Variants in ADGB observed in about 807,000 individuals in gnomAD.
ADGB encodes the protein androglobin, also known as calpain-7-like protein.
In ADGB, 172 loss-of-function variants were observed where a neutral mutation model predicts 210.5. That is an observed-to-expected ratio of 0.82 (90% confidence interval 0.72 to 0.93). ADGB has a LOEUF of 0.93. Ranked by LOEUF, ADGB falls within the 40% of genes least tolerant of loss-of-function variation. The pLI is 0.00. For missense variants in ADGB, 2,025 were observed against 1,964.8 expected, an observed-to-expected ratio of 1.03 and a Z score of -0.58; for synonymous variants, 658 against 662.7, an observed-to-expected ratio of 0.99 and a Z score of 0.11.
rs1349137564 is a variant in ADGB at position 146,635,598 on chromosome 6, A to G, written c.237+61A>G. On this transcript the variant is annotated intron_variant, in intron 2 of 35. Coordinates refer to ENST00000397944, the MANE Select transcript of ADGB (RefSeq NM_024694.4). ...GTTTTTAATTTTATAATGGAATGAG[A>G]TTTGTAAACATAAAAAGGTATTCAT... 5 of 1,408,366 alleles carry G rather than the reference A, an allele frequency of 3.6e-6. No individual in the cohort carries two copies. The African/African-American group carries it at 5.9e-5, about 17-fold the overall frequency. The allele number at this position is 1,408,366 out of a possible 1,614,324, so 87.2% of individuals were successfully genotyped here.
intron 27 of ADGB, among the ~76,000 whole-genome samples, chr6:146,755,400 G>T (rs1470203837): frequency 6.6e-6 from 1 of 152,042 alleles, no homozygotes; most frequent in Non-Finnish European, 1.5e-5. Flanking sequence ...TAGACCATGG[G>T]ATGCTATTCC....
intron 33 of ADGB, among the ~76,000 whole-genome samples, chr6:146,792,975 G>A (rs1383447350): frequency 6.6e-6 from 1 of 152,170 alleles, no homozygotes; most frequent in Non-Finnish European, 1.5e-5. Flanking sequence ...GACCCAAGGA[G>A]TGAGTGGTAG....
In ADGB at chr6:146,629,206, A is replaced by G. The variant is rs936440787; in HGVS notation, c.75-6169A>G. Among the ~76,000 whole-genome samples, 6 of 152,324 alleles carry G rather than the reference A, an allele frequency of 3.9e-5. No individual in the cohort carries two copies. In the East Asian group the frequency reaches 7.7e-4, roughly 20 times the overall value. ...GAATAATGCACTTTGAATACTTAAA[A>G]GATCCCAACTATACTAGAGCAGTGG... On this transcript the variant is annotated intron_variant, in intron 1 of 35. Transcript: ENST00000397944.
At chr6:146,810,781 G>A (rs1304145800) in intron 35 of ADGB, among the ~76,000 whole-genome samples, 2 of 152,086 alleles carry the variant, frequency 1.3e-5, no homozygotes, top group African/African-American at 4.8e-5. Context: ...TAGGACAGTG[G>A]TTACCAGAGA....
intron 7 of ADGB, among the ~76,000 whole-genome samples, chr6:146,670,127 T>A (rs904942116): frequency 6.6e-6 from 1 of 152,182 alleles, no homozygotes; most frequent in South Asian, 2.1e-4. Flanking sequence ...ACTGATCACA[T>A]GTAATAGACT....
At chr6:146,763,806 C>T (rs1295375555) in intron 27 of ADGB, 95 bp from the exon 28 acceptor site, 3 of 1,118,378 alleles carry the variant, frequency 2.7e-6, no homozygotes, top group African/African-American at 1.6e-5. Context: ...TGACCTATTC[C>T]TTTGAGTGTT....
At chr6:146,610,574 T>C (rs796360302) in intron 1 of ADGB, among the ~76,000 whole-genome samples, 12 of 152,310 alleles carry the variant, frequency 7.9e-5, no homozygotes, top group African/African-American at 2.6e-4. Flanking sequence ...TTGAATTTAG[T>C]CAACTGGCTT....
At chr6:146,607,624 C>T (rs1306591235) in intron 1 of ADGB, among the ~76,000 whole-genome samples, 1 of 152,052 alleles carries the variant, frequency 6.6e-6, no homozygotes, top group Non-Finnish European at 1.5e-5. Flanking sequence ...TTATCAAAAG[C>T]CTTTGTTTAG....
At chr6:146,704,734 C>T (rs141487172) in intron 13 of ADGB, among the ~76,000 whole-genome samples, 50 of 151,898 alleles carry the variant, frequency 3.3e-4, no homozygotes, top group Non-Finnish European at 5.3e-4. Flanking sequence ...CTGCTTTGTT[C>T]TTTTGCTTTA....
At chr6:146,677,565 G>C (rs557920479) in intron 9 of ADGB, among the ~76,000 whole-genome samples, 1 of 152,128 alleles carries the variant, frequency 6.6e-6, no homozygotes, top group South Asian at 2.1e-4. Context: ...AATATTTTTT[G>C]ATAGTGAGAA....
At chr6:146,758,189 T>C (rs1371477413) in intron 27 of ADGB, among the ~76,000 whole-genome samples, 1 of 152,130 alleles carries the variant, frequency 6.6e-6, no homozygotes, top group Non-Finnish European at 1.5e-5. Flanking sequence ...TTTCTTTAGA[T>C]ATGTTAAGAC....
intron 27 of ADGB, 149 bp from the exon 28 acceptor site, chr6:146,763,752 A>G (rs1777533383): frequency 2.8e-6 from 2 of 707,056 alleles, no homozygotes; most frequent in Non-Finnish European, 4.5e-6. Flanking sequence ...CTTAAGAACA[A>G]TAAACCAAAA....
Position 146,701,040 on chromosome 6 carries a change from CTT to C in ADGB, c.1678_1679del (p.Leu560GlufsTer24). The C allele has an allele frequency of 6.4e-7, 1 of 1,550,834 alleles. No individual in the cohort carries two copies. Among genetic ancestry groups the C allele is most frequent in the Non-Finnish European group, 8.7e-7 (1 of 1,146,416 alleles). On this transcript the variant is annotated frameshift_variant, in exon 13 of 36. Coordinates refer to ENST00000397944, the MANE Select transcript of ADGB (RefSeq NM_024694.4). LOFTEE classifies it high-confidence loss of function. ...DETATHSQTD[L>X]SQITKATSQG... ...AAACTGCAACACATAGCCAGACAGA[CTT>C]GAGTCAAATAACAAAAGCTACATCT...
At chr6:146,626,592 C>T (rs1442300995) in intron 1 of ADGB, among the ~76,000 whole-genome samples, 1 of 151,762 alleles carries the variant, frequency 6.6e-6, no homozygotes, top group Non-Finnish European at 1.5e-5. Context: ...AAAGATGTTG[C>T]CCATTATCTT....
chr6:146,753,990 A>T (rs1486478633), intron 27 of ADGB, among the ~76,000 whole-genome samples: 1 of 151,462 alleles, frequency 6.6e-6, no homozygotes, highest in Non-Finnish European at 1.5e-5. Flanking sequence ...ATTTCTTTTT[A>T]AAAAATTTAT....
intron 35 of ADGB, among the ~76,000 whole-genome samples, chr6:146,811,220 C>G (rs1480576501): frequency 2.0e-5 from 3 of 152,016 alleles, no homozygotes; most frequent in African/African-American, 7.2e-5. Context: ...TATGCTCACA[C>G]CAATATTTTA....
intron 29 of ADGB, among the ~76,000 whole-genome samples, chr6:146,780,065 A>T (rs1362919638): frequency 2.0e-5 from 3 of 152,150 alleles, no homozygotes; most frequent in Non-Finnish European, 4.4e-5. Context: ...ATACATATGT[A>T]TAAAGATGAA....
chr6:146,778,622 C>T (rs1053825508), intron 29 of ADGB, among the ~76,000 whole-genome samples: 2 of 152,044 alleles, frequency 1.3e-5, no homozygotes, highest in Non-Finnish European at 2.9e-5. Flanking sequence ...ACTTTTAAAT[C>T]AGTCAATATT....
chr6:146,691,089 C>T, intron 10 of ADGB, 27 bp from the exon 11 acceptor site: 2 of 1,499,366 alleles, frequency 1.3e-6, no homozygotes, highest in Non-Finnish European at 1.8e-6. Flanking sequence ...AAGGAGAATG[C>T]TTTTCAATTT....
Sources: gnomAD v4.1 joint callset for allele counts (sites outside exome capture counted in the v4.1 genomes callset) on GRCh38, gnomAD v4.1.1 for gene constraint, MANE v1.5 for transcripts, NCBI Gene and HGNC (gene_info 2026-07-23, HGNC 2026-07-21) for gene names.